Variants in PRKDC observed in about 807,000 individuals in gnomAD.
PRKDC encodes DNA-dependent protein kinase catalytic subunit.
Under a neutral mutation model 486.9 loss-of-function variants are expected in PRKDC, and 82 were observed. That is an observed-to-expected ratio of 0.17 (90% CI 0.14 to 0.20). The LOEUF (loss-of-function observed/expected upper bound fraction) is 0.20, where lower values mean the gene tolerates loss of function less well. Among genes scored for constraint, PRKDC ranks in the 10% least tolerant of loss-of-function variants. The pLI, the probability that PRKDC is intolerant of heterozygous loss-of-function variation, is 1.00. For synonymous variants in PRKDC, 1,895 were observed against 1,837.0 expected, an observed-to-expected ratio of 1.03 and a Z score of -0.81; for missense variants, 4,504 against 5,038.2, an observed-to-expected ratio of 0.89 and a Z score of 3.21.
chr8:47,921,319 C>T (rs1359300107), intron 21 of PRKDC, among the ~76,000 whole-genome samples: 1 of 152,106 alleles, frequency 6.6e-6, no homozygotes, highest in African/African-American at 2.4e-5. Context: ...GAATCATTAT[C>T]TGGGTAAACT....
rs866846396 is a variant in PRKDC, at chr8:47,864,022, C to T, written c.5572-445G>A. Among the ~76,000 whole-genome samples, 27 of 152,294 alleles carry T rather than the reference C, an allele frequency of 1.8e-4. 1 individual carries two copies. Among genetic ancestry groups the T allele is most frequent in the African/African-American group, 6.0e-4 (25 of 41,552 alleles). On this transcript the variant is annotated intron_variant, in intron 41 of 85. Coordinates refer to ENST00000314191, the MANE Select transcript of PRKDC (RefSeq NM_006904.7). Reference sequence around the variant, plus strand: ...CCAAAAGATGCCCTCATCCCTGAAACCTACCTCCTCATGTGGCAAAAAAGG... The same window carrying T: ...CCAAAAGATGCCCTCATCCCTGAAATCTACCTCCTCATGTGGCAAAAAAGG...
Position 47,779,075 on chromosome 8 carries a change from C to G in PRKDC, c.11508G>C (p.Pro3836=), listed in dbSNP as rs375417206. The change falls in exon 81 of 86, where the codon CCG becomes CCC. Residue 3836 remains proline, a synonymous_variant. Transcript: ENST00000314191. ...AAYLSDPRAP[P]CEYKDWLTKM... ...TTGTCAGCCAATCTTTATATTCACA[C>G]GGCGGTGCCCTGGGATCACTAATGA... is the stretch of plus-strand genomic sequence containing the variant. 6.3e-7 allele frequency: 1 copy of G among 1,596,236 alleles called. No individual in the cohort carries two copies. Among genetic ancestry groups the G allele is most frequent in the Non-Finnish European group, 8.5e-7 (1 of 1,170,500 alleles).
intron 54 of PRKDC, among the ~76,000 whole-genome samples, chr8:47,845,894 G>T (rs1367278754): frequency 1.3e-5 from 2 of 152,038 alleles, no homozygotes; most frequent in African/African-American, 4.8e-5. Context: ...AAAACGTCAG[G>T]CCAAATCCCT....
chr8:47,870,674 A>G lies in PRKDC; in HGVS notation c.5364-5911T>C, dbSNP rs557510776. Among the ~76,000 whole-genome samples the G allele has an allele frequency of 2.0e-5, 3 of 152,362 alleles. No homozygotes were observed. In the East Asian group the frequency reaches 5.8e-4, roughly 29 times the overall value. ...TAAAATCTTTAATGCCCTGATATCA[A>G]TGAACATCCACAACCATCAAAACCA... is the stretch of plus-strand genomic sequence containing the variant. On this transcript the variant is annotated intron_variant, in intron 40 of 85. Coordinates refer to ENST00000314191, the MANE Select transcript of PRKDC (RefSeq NM_006904.7).
At chr8:47,902,921 A>G in intron 26 of PRKDC, 126 bp from the exon 27 acceptor site, 1 of 598,752 alleles carries the variant, frequency 1.7e-6, no homozygotes, top group East Asian at 3.1e-5. Context: ...TAGTCAAGAA[A>G]AAAATAAACA....
intron 16 of PRKDC, among the ~76,000 whole-genome samples, chr8:47,932,452 C>T (rs947332030): frequency 2.7e-5 from 4 of 149,314 alleles, no homozygotes; most frequent in South Asian, 2.1e-4. Flanking sequence ...CTCCTGACCT[C>T]GTGATCTGCC....
chr8:47,871,321 A>G (rs1198350347), intron 40 of PRKDC, among the ~76,000 whole-genome samples: 2 of 152,234 alleles, frequency 1.3e-5, no homozygotes, highest in East Asian at 1.9e-4. Context: ...GAATAAAGAA[A>G]GGATCCCAAG....
At position 47,782,915 on chromosome 8, in the gene PRKDC, A is replaced by G; in HGVS notation, c.11176-317T>C. The G allele has an allele frequency of 2.6e-6, 1 of 379,150 alleles. No homozygotes were observed. The highest frequency in any genetic ancestry group is 4.9e-6 in the Non-Finnish European group (1 of 204,530). The allele number at this position is 379,150 out of a possible 1,614,324, so 23.5% of individuals were successfully genotyped here. On this transcript the variant is annotated intron_variant, in intron 78 of 85. Transcript: ENST00000314191. The surrounding 1 kb of genome is among the most constrained non-coding windows in gnomAD (Gnocchi z 4.9). The stretch of plus-strand genomic sequence containing the variant: ...CATATTTTATAGTGGATACTCACAC[A>G]CAGCTTACTCTTTGAGTTTATGATA...
intron 59 of PRKDC, among the ~76,000 whole-genome samples, chr8:47,832,489 A>G (rs1394542198): frequency 6.6e-6 from 1 of 152,260 alleles, no homozygotes; most frequent in Non-Finnish European, 1.5e-5. Context: ...AAAAATTTCA[A>G]AACATGATCA....
At position 47,808,259 on chromosome 8, in the gene PRKDC, A is replaced by C. The variant is rs1004379930; in HGVS notation, c.9558-933T>G. Among the ~76,000 whole-genome samples the C allele has an allele frequency of 5.3e-5, 8 of 152,062 alleles. 1 individual carries two copies. The highest frequency in any genetic ancestry group is 1.9e-4 in the African/African-American group (8 of 41,390). ...TAAGCTCACACAATCCTCTTCCCTCAGCCTCCCAAATAGCCGGGGTTGGTT... is the reference window on the plus strand; with the variant it reads ...TAAGCTCACACAATCCTCTTCCCTCCGCCTCCCAAATAGCCGGGGTTGGTT... On this transcript the variant is annotated intron_variant, in intron 68 of 85. Coordinates refer to ENST00000314191, the MANE Select transcript of PRKDC (RefSeq NM_006904.7).
In PRKDC at chr8:47,955,461, CAAAAAAAAAAAA is replaced by C. The variant is rs746883720; in HGVS notation, c.399+401_399+412del. On this transcript the variant is annotated intron_variant, in intron 4 of 85. Transcript: ENST00000314191. ...TGGGCGACAGAGCGAGACTCCGTCT[CAAAAAAAAAAAA>C]AAAAAAAAAAAAAAGAAAACATATG... Among the ~76,000 whole-genome samples the C allele has an allele frequency of 7.0e-4, 13 of 18,536 alleles. 1 individual carries two copies. The highest frequency in any genetic ancestry group is 2.9e-3 in the South Asian group (2 of 692). The allele number at this position is 18,536 out of a possible 152,430, so 12.2% of individuals were successfully genotyped here.
At chr8:47,886,449 G>A (rs1014354580) in intron 35 of PRKDC, among the ~76,000 whole-genome samples, 1 of 151,976 alleles carries the variant, frequency 6.6e-6, no homozygotes, top group Non-Finnish European at 1.5e-5. Flanking sequence ...GAGTACAGTG[G>A]CACGATCTCG....
chr8:47,836,644 A>G, intron 57 of PRKDC, 117 bp from the exon 58 acceptor site: 2 of 919,648 alleles, frequency 2.2e-6, no homozygotes, highest in Middle Eastern at 2.8e-4. Context: ...TATTTGTACC[A>G]TAACTTCATA....
chr8:47,859,453 A>C (rs1474669009), intron 46 of PRKDC, among the ~76,000 whole-genome samples, 158 bp downstream of exon 46: 2 of 152,228 alleles, frequency 1.3e-5, no homozygotes, highest in African/African-American at 4.8e-5. Context: ...ATAAAAGGCT[A>C]GGAATTAGAT....
chr8:47,869,633 G>A (rs1432259192), intron 40 of PRKDC, among the ~76,000 whole-genome samples: 4 of 151,892 alleles, frequency 2.6e-5, no homozygotes, highest in African/African-American at 9.7e-5. Flanking sequence ...TTCTGCTTGA[G>A]AGAAGGAGAA....
At chr8:47,883,534 C>T (rs914503152) in intron 36 of PRKDC, among the ~76,000 whole-genome samples, 5 of 152,206 alleles carry the variant, frequency 3.3e-5, no homozygotes, top group Non-Finnish European at 7.3e-5. Context: ...GGAGCCAAGG[C>T]CCTGCTGCTC....
chr8:47,914,591 G>A (rs1218619932), intron 23 of PRKDC, among the ~76,000 whole-genome samples: 5 of 152,142 alleles, frequency 3.3e-5, no homozygotes, highest in South Asian at 2.1e-4. Context: ...CCTGAGGTCA[G>A]GAGTTGAAGA....
At chr8:47,778,116 A>C (rs1482758165) in intron 83 of PRKDC, among the ~76,000 whole-genome samples, 1 of 152,218 alleles carries the variant, frequency 6.6e-6, no homozygotes, top group East Asian at 1.9e-4. Context: ...ATTGAGAAGG[A>C]TGATCCAAAA....
At chr8:47,810,436 T>G (rs1415135731) in intron 68 of PRKDC, among the ~76,000 whole-genome samples, 1 of 152,222 alleles carries the variant, frequency 6.6e-6, no homozygotes, top group Non-Finnish European at 1.5e-5. Context: ...GTAAAAACAG[T>G]ATACATAAGG....
Sources: allele counts gnomAD v4.1 joint callset (sites outside exome capture counted in the v4.1 genomes callset), GRCh38; gene constraint gnomAD v4.1.1; non-coding constraint Gnocchi (gnomAD v3.1); transcripts MANE v1.5; gene names NCBI Gene and HGNC (gene_info 2026-07-23, HGNC 2026-07-21).